CDC42SE2: variants seen among roughly 807,000 people sequenced by gnomAD.
CDC42SE2 encodes CDC42 small effector protein 2.
A neutral mutation model predicts 11.5 loss-of-function variants in CDC42SE2; 3 were observed. The ratio of observed to expected loss-of-function variants is 0.26; its 90% CI spans 0.12 to 0.67. The LOEUF is 0.67. Ranked by LOEUF, CDC42SE2 falls within the 30% of genes least tolerant of loss-of-function variation. The pLI is 0.80. For missense variants in CDC42SE2, 82 were observed against 106.8 expected (o/e 0.77, Z 1.02); for synonymous variants, 33 against 34.8 (o/e 0.95, Z 0.18).
chr5:131,338,341 A>G (rs764156370), intron 2 of CDC42SE2, among the ~76,000 whole-genome samples: 4 of 152,200 alleles, frequency 2.6e-5, no homozygotes. Flanking sequence ...TCAAGTCTAC[A>G]TGGCGGTCCC....
At chr5:131,337,698 C>G (rs960153586) in intron 2 of CDC42SE2, among the ~76,000 whole-genome samples, 1 of 152,216 alleles carries the variant, frequency 6.6e-6, no homozygotes, top group African/African-American at 2.4e-5. Context: ...CTCGCTGCTA[C>G]TTTGCAGTTT....
chr5:131,307,937 G>GT (rs1486411378), intron 1 of CDC42SE2, among the ~76,000 whole-genome samples: 14 of 152,222 alleles, frequency 9.2e-5, no homozygotes, highest in African/African-American at 3.4e-4. Flanking sequence ...TTGTAAATTT[G>GT]TTTGAGTTCC....
chr5:131,335,766 T>C (rs1401485157), intron 2 of CDC42SE2, among the ~76,000 whole-genome samples: 4 of 152,352 alleles, frequency 2.6e-5, no homozygotes, highest in East Asian at 3.9e-4. Context: ...TTAAAGTCTG[T>C]TTTATCAGAG....
chr5:131,254,483 A>G (rs1181119537), intron 1 of CDC42SE2, among the ~76,000 whole-genome samples: 1 of 151,870 alleles, frequency 6.6e-6, no homozygotes. Context: ...CGGAGGTTGC[A>G]GTGAGCTGAG....
At chr5:131,347,884 A>C (rs1457757531) in intron 2 of CDC42SE2, among the ~76,000 whole-genome samples, 1 of 152,208 alleles carries the variant, frequency 6.6e-6, no homozygotes, top group Non-Finnish European at 1.5e-5. Flanking sequence ...TATAAACAGA[A>C]CCAAAGACAA....
the CDC42SE2 span, among the ~76,000 whole-genome samples, chr5:131,222,942 C>T: frequency 6.6e-6 from 1 of 152,244 alleles, no homozygotes; most frequent in Non-Finnish European, 1.5e-5. Flanking sequence ...ATTCAAGTCT[C>T]CAGCCCTCTC....
At chr5:131,365,916 A>G (rs756857223) in intron 3 of CDC42SE2, among the ~76,000 whole-genome samples, 7 of 152,136 alleles carry the variant, frequency 4.6e-5, no homozygotes, top group Non-Finnish European at 8.8e-5. Flanking sequence ...CGGGAAGCGG[A>G]GCTTGCAGTG....
At chr5:131,290,713 C>T (rs1757440716) in intron 1 of CDC42SE2, among the ~76,000 whole-genome samples, 1 of 151,828 alleles carries the variant, frequency 6.6e-6, no homozygotes, top group Non-Finnish European at 1.5e-5. Flanking sequence ...CTCCTGGGCT[C>T]AAGTGATCTG....
chr5:131,285,523 C>A (rs1435641483), intron 1 of CDC42SE2, among the ~76,000 whole-genome samples: 1 of 152,040 alleles, frequency 6.6e-6, no homozygotes, highest in African/African-American at 2.4e-5. Context: ...TAGAATAATT[C>A]TTGTGTATTT....
At chr5:131,347,625 G>A (rs1758881836) in intron 2 of CDC42SE2, among the ~76,000 whole-genome samples, 1 of 152,154 alleles carries the variant, frequency 6.6e-6, no homozygotes, top group Non-Finnish European at 1.5e-5. Context: ...TAGAAAAAGA[G>A]GGAATCTTCC....
At chr5:131,256,160 C>G (rs1325252775) in intron 2 of CDC42SE2, among the ~76,000 whole-genome samples, 2 of 152,222 alleles carry the variant, frequency 1.3e-5, no homozygotes, top group Non-Finnish European at 2.9e-5. Flanking sequence ...AATAATGTCA[C>G]ATTTGCTTTT....
intron 2 of CDC42SE2, among the ~76,000 whole-genome samples, chr5:131,351,811 A>G (rs1259563357): frequency 1.3e-5 from 2 of 152,238 alleles, no homozygotes; most frequent in Non-Finnish European, 2.9e-5. Flanking sequence ...ATCATAAGAG[A>G]TAAAACTTAT....
At chr5:131,250,160 G>A (rs960546190) in intron 1 of CDC42SE2, among the ~76,000 whole-genome samples, 3 of 152,132 alleles carry the variant, frequency 2.0e-5, no homozygotes, top group African/African-American at 7.2e-5. Flanking sequence ...TATACAACAG[G>A]CACCAGGTAA....
At chr5:131,338,137 TA>T (rs1213688558) in intron 2 of CDC42SE2, among the ~76,000 whole-genome samples, 1 of 152,248 alleles carries the variant, frequency 6.6e-6, no homozygotes, top group African/African-American at 2.4e-5. Flanking sequence ...TATTATTTAG[TA>T]ACTGTGTTAT....
At chr5:131,374,184 G>A (rs1252207550) in intron 3 of CDC42SE2, among the ~76,000 whole-genome samples, 2 of 152,122 alleles carry the variant, frequency 1.3e-5, no homozygotes, top group Non-Finnish European at 2.9e-5. Flanking sequence ...ACTACTGAGT[G>A]AAATTTCAGA....
chr5:131,341,628 A>G (rs749822630), intron 2 of CDC42SE2, among the ~76,000 whole-genome samples: 6 of 152,232 alleles, frequency 3.9e-5, no homozygotes, highest in Non-Finnish European at 8.8e-5. Context: ...GGCTAGGAAG[A>G]AACCAAAAGA....
At chr5:131,312,985 T>C (rs1354584277) in intron 1 of CDC42SE2, among the ~76,000 whole-genome samples, 1 of 151,816 alleles carries the variant, frequency 6.6e-6, no homozygotes, top group Non-Finnish European at 1.5e-5. Flanking sequence ...TTTTCTTTTC[T>C]TTTCTTTTTT....
At chr5:131,231,364 AC>A in the CDC42SE2 span, among the ~76,000 whole-genome samples, 2 of 152,198 alleles carry the variant, frequency 1.3e-5, no homozygotes, top group Admixed American at 6.5e-5. Context: ...GTGGCATAAA[AC>A]TATTAGAAGT....
At chr5:131,365,590 T>C (rs1292353043) in intron 3 of CDC42SE2, among the ~76,000 whole-genome samples, 3 of 152,182 alleles carry the variant, frequency 2.0e-5, no homozygotes, top group Admixed American at 1.3e-4. Flanking sequence ...AAAACACAAA[T>C]GTGCATGTTC....
Sources: allele counts gnomAD v4.1 joint callset (sites outside exome capture counted in the v4.1 genomes callset), GRCh38; gene constraint gnomAD v4.1.1; transcripts MANE v1.5; gene names NCBI Gene and HGNC (gene_info 2026-07-23, HGNC 2026-07-21).